Variants in CALN1 observed in about 807,000 individuals in gnomAD.
CALN1 encodes calneuron 1, also known as calcium-binding protein 8.
CALN1 carries 17 observed loss-of-function variants against 30.6 expected under a neutral mutation model. The ratio of observed to expected loss-of-function variants is 0.56; its 90% CI spans 0.38 to 0.83. The LOEUF is 0.83. Among genes scored for constraint, CALN1 ranks in the 40% least tolerant of loss-of-function variants. The pLI is 0.00. For synonymous variants in CALN1, 156 were observed against 131.4 expected (o/e 1.19, Z -1.28); for missense variants, 291 against 354.9 (o/e 0.82, Z 1.45).
At chr7:72,007,270 G>A (rs915628816) in intron 5 of CALN1, among the ~76,000 whole-genome samples, 5 of 152,258 alleles carry the variant, frequency 3.3e-5, no homozygotes, top group Non-Finnish European at 5.9e-5. Flanking sequence ...TTGTGTCCAG[G>A]TGAAGTGGCT....
intron 2 of CALN1, among the ~76,000 whole-genome samples, chr7:72,390,536 G>A (rs1424881239): frequency 6.6e-6 from 1 of 152,118 alleles, no homozygotes; most frequent in Admixed American, 6.6e-5. Flanking sequence ...AATTCAAGAG[G>A]TCCACAAATT....
At chr7:72,099,650 T>C (rs894903458) in intron 4 of CALN1, among the ~76,000 whole-genome samples, 7 of 152,104 alleles carry the variant, frequency 4.6e-5, no homozygotes, top group Admixed American at 2.0e-4. Context: ...TTTTCACACT[T>C]AGGGACTGTA....
chr7:71,924,370 A>C (rs1438936628), intron 5 of CALN1, among the ~76,000 whole-genome samples: 1 of 152,052 alleles, frequency 6.6e-6, no homozygotes, highest in Non-Finnish European at 1.5e-5. Context: ...TTCCTTGGCG[A>C]GAGGTATAAA....
intron 6 of CALN1, among the ~76,000 whole-genome samples, chr7:71,796,940 C>T (rs930019455): frequency 5.3e-5 from 8 of 151,882 alleles, no homozygotes; most frequent in East Asian, 1.9e-4. Flanking sequence ...CAAGCTCTAG[C>T]GACAGACTGT....
intron 4 of CALN1, among the ~76,000 whole-genome samples, chr7:72,073,772 C>A (rs1248972612): frequency 6.6e-6 from 1 of 152,004 alleles, no homozygotes; most frequent in African/African-American, 2.4e-5. Context: ...TGGCTCACTG[C>A]AGTTTCAACT....
chr7:72,475,315 C>T, the CALN1 span, among the ~76,000 whole-genome samples: 6 of 152,010 alleles, frequency 3.9e-5, no homozygotes, highest in African/African-American at 1.4e-4. Context: ...ATTAGCCAGG[C>T]ATGGTGGCAC....
intron 3 of CALN1, among the ~76,000 whole-genome samples, chr7:72,204,830 A>C (rs1248905730): frequency 6.6e-6 from 1 of 152,226 alleles, no homozygotes; most frequent in East Asian, 1.9e-4. Flanking sequence ...TTTTTAAACT[A>C]ATACAGTTAT....
intron 2 of CALN1, chr7:72,336,867 TGCCGGCATCCTCGC>T: frequency 3.0e-6 from 3 of 984,860 alleles, no homozygotes; most frequent in Non-Finnish European, 3.6e-6. Flanking sequence ...CGCGTCCCCG[TGCCGGCATCCTCGC>T]TGCCGCCGGC....
At chr7:72,024,899 C>T (rs1477568516) in intron 4 of CALN1, among the ~76,000 whole-genome samples, 9 of 152,308 alleles carry the variant, frequency 5.9e-5, no homozygotes, top group South Asian at 2.1e-4. Context: ...TTCTCTAAGA[C>T]GGAGCTGAAA....
At chr7:72,490,588 C>T in the CALN1 span, among the ~76,000 whole-genome samples, 14 of 152,282 alleles carry the variant, frequency 9.2e-5, no homozygotes, top group South Asian at 1.2e-3. Flanking sequence ...TTGGAGGAGG[C>T]GCCTGGTGGG....
intron 4 of CALN1, among the ~76,000 whole-genome samples, chr7:72,078,490 C>T (rs946891950): frequency 4.6e-5 from 7 of 152,220 alleles, no homozygotes; most frequent in Admixed American, 3.9e-4. Flanking sequence ...ATTAAAATGC[C>T]CATGAAAATC....
At chr7:72,360,188 T>C (rs1009371277) in intron 2 of CALN1, among the ~76,000 whole-genome samples, 2 of 152,120 alleles carry the variant, frequency 1.3e-5, no homozygotes, top group Admixed American at 6.6e-5. Flanking sequence ...ATTTACTTTA[T>C]TAGTGTTAAG....
At position 71,897,542 on chromosome 7, in the gene CALN1, A is replaced by G. The variant is rs185331948; in HGVS notation, c.502-87050T>C. ...TTGAGCCTCTGGAAACACAAGGTAA[A>G]GGGAAGATAATTGTGACTGCTCAGA... is the stretch of plus-strand genomic sequence containing the variant. On this transcript the variant is annotated intron_variant, in intron 5 of 6. Coordinates refer to ENST00000395275, the MANE Select transcript of CALN1 (RefSeq NM_031468.4). Among the ~76,000 whole-genome samples, 968 of 152,308 alleles carry G rather than the reference A, an allele frequency of 6.4e-3. 5 individuals carry two copies. Among genetic ancestry groups the G allele is most frequent in the Non-Finnish European group, 0.01 (712 of 68,028 alleles).
intron 4 of CALN1, among the ~76,000 whole-genome samples, chr7:72,090,951 G>C (rs556217393): frequency 1.3e-5 from 2 of 152,166 alleles, no homozygotes; most frequent in African/African-American, 4.8e-5. Context: ...GGTAAGAAGA[G>C]ATGGCTAATG....
intron 3 of CALN1, among the ~76,000 whole-genome samples, chr7:72,168,320 G>C (rs1294699409): frequency 6.6e-6 from 1 of 152,070 alleles, no homozygotes; most frequent in Non-Finnish European, 1.5e-5. Flanking sequence ...AATCTGTAGG[G>C]TGGAGAATCA....
At chr7:72,422,371 C>T (rs1433825347) in intron 1 of CALN1, among the ~76,000 whole-genome samples, 2 of 152,160 alleles carry the variant, frequency 1.3e-5, no homozygotes, top group Non-Finnish European at 2.9e-5. Flanking sequence ...TGCATTTCCC[C>T]GGTGATTAGT....
At chr7:72,402,775 G>A (rs1562950833) in intron 2 of CALN1, among the ~76,000 whole-genome samples, 1 of 152,158 alleles carries the variant, frequency 6.6e-6, no homozygotes. Context: ...TGGGGGATGG[G>A]GTGAGATTCA....
intron 4 of CALN1, among the ~76,000 whole-genome samples, chr7:72,099,859 G>C (rs185593111): frequency 6.6e-6 from 1 of 152,276 alleles, no homozygotes; most frequent in East Asian, 1.9e-4. Flanking sequence ...ATAGAAATTC[G>C]CTGCAAGATT....
chr7:72,034,270 C>T (rs1801641550), intron 4 of CALN1, among the ~76,000 whole-genome samples: 1 of 149,612 alleles, frequency 6.7e-6, no homozygotes, highest in Non-Finnish European at 1.5e-5. Context: ...ACGAGAATGG[C>T]GTGAACCCAG....
Sources: allele counts gnomAD v4.1 joint callset (sites outside exome capture counted in the v4.1 genomes callset), GRCh38; gene constraint gnomAD v4.1.1; transcripts MANE v1.5; gene names NCBI Gene and HGNC (gene_info 2026-07-23, HGNC 2026-07-21).